Variants in PTK2B observed in about 807,000 individuals in gnomAD.
The protein encoded by PTK2B is protein-tyrosine kinase 2-beta.
In PTK2B, 71 loss-of-function variants were observed where a neutral mutation model predicts 142.9. The ratio of observed to expected loss-of-function variants is 0.50; its 90% CI spans 0.41 to 0.61. The LOEUF (loss-of-function observed/expected upper bound fraction) is 0.61. PTK2B is among the 20% of genes least tolerant of loss of function. PTK2B has a pLI of 0.00. For synonymous variants in PTK2B, 519 were observed against 503.4 expected (o/e 1.03, Z -0.42); for missense variants, 1,105 against 1,320.4 (o/e 0.84, Z 2.53).
At chr8:27,390,906 G>A (rs942241905) in intron 1 of PTK2B, among the ~76,000 whole-genome samples, 1 of 152,088 alleles carries the variant, frequency 6.6e-6, no homozygotes, top group Non-Finnish European at 1.5e-5. Context: ...GAGACTCAAG[G>A]CTGCCATGTT....
chr8:27,311,087 T>A, upstream of PTK2B: 1 of 1,597,288 alleles, frequency 6.3e-7, no homozygotes, highest in Non-Finnish European at 8.5e-7. Context: ...CACCTGCACC[T>A]CCCAGCAGCG....
At chr8:27,362,191 T>A (rs1016960353) in intron 1 of PTK2B, among the ~76,000 whole-genome samples, 2 of 152,120 alleles carry the variant, frequency 1.3e-5, no homozygotes, top group Non-Finnish European at 2.9e-5. Flanking sequence ...AGGGCTTGAG[T>A]TGAAAAGTTA....
intron 1 of PTK2B, among the ~76,000 whole-genome samples, chr8:27,358,314 A>G: frequency 6.6e-6 from 1 of 152,068 alleles, no homozygotes; most frequent in East Asian, 1.9e-4. Context: ...AAGAAGCAAT[A>G]CTTTTTGCAT....
chr8:27,395,699 G>A (rs540366937), intron 1 of PTK2B, among the ~76,000 whole-genome samples: 73 of 152,240 alleles, frequency 4.8e-4, no homozygotes, highest in African/African-American at 1.6e-3. Flanking sequence ...CTCTGGGTGG[G>A]GTCCATTCTT....
chr8:27,445,498 T>G (rs11135993), intron 23 of PTK2B, among the ~76,000 whole-genome samples: 1 of 151,962 alleles, frequency 6.6e-6, no homozygotes, highest in Non-Finnish European at 1.5e-5. Context: ...GAAACAACTA[T>G]TTTTTGAAGA....
At chr8:27,409,694 G>A in intron 2 of PTK2B, among the ~76,000 whole-genome samples, 1 of 152,126 alleles carries the variant, frequency 6.6e-6, no homozygotes, top group East Asian at 1.9e-4. Context: ...CAACCTCAGA[G>A]TGACACCTTC....
intron 8 of PTK2B, 83 bp from the exon 9 acceptor site, chr8:27,431,315 C>T: frequency 6.3e-7 from 1 of 1,599,470 alleles, no homozygotes; most frequent in Non-Finnish European, 8.5e-7. Flanking sequence ...TGGCTTGTGT[C>T]TAGCTTAGGG....
upstream of PTK2B, among the ~76,000 whole-genome samples, chr8:27,324,464 G>A (rs1296988606): frequency 6.6e-6 from 1 of 152,200 alleles, no homozygotes; most frequent in Non-Finnish European, 1.5e-5. Flanking sequence ...AATAGCTATG[G>A]GTAGTCCACT....
At chr8:27,334,803 G>T (rs1251373861) in intron 1 of PTK2B, among the ~76,000 whole-genome samples, 1 of 152,160 alleles carries the variant, frequency 6.6e-6, no homozygotes, top group Non-Finnish European at 1.5e-5. Context: ...CGAGTCTCTT[G>T]AATTCTTGCC....
chr8:27,456,057 G>A (rs565110987), intron 30 of PTK2B, among the ~76,000 whole-genome samples: 6 of 152,362 alleles, frequency 3.9e-5, no homozygotes, highest in African/African-American at 1.2e-4. Flanking sequence ...AGGTGGGGCT[G>A]TGGGGCTGTC....
At chr8:27,342,333 C>T (rs976185140) in intron 1 of PTK2B, among the ~76,000 whole-genome samples, 1 of 151,704 alleles carries the variant, frequency 6.6e-6, no homozygotes, top group Admixed American at 6.6e-5. Flanking sequence ...CTTGCCCATG[C>T]CAGAGTGCAG....
chr8:27,407,435 G>A (rs11986969), intron 2 of PTK2B, among the ~76,000 whole-genome samples: 34,407 of 152,112 alleles, frequency 0.23, 4,062 homozygotes, highest in Middle Eastern at 0.36. Flanking sequence ...TGGCATGGCC[G>A]GATCAGCCGT....
At chr8:27,372,039 A>AT (rs1806392608) in intron 1 of PTK2B, among the ~76,000 whole-genome samples, 1 of 152,240 alleles carries the variant, frequency 6.6e-6, no homozygotes, top group Non-Finnish European at 1.5e-5. Context: ...AAGAAAGCAT[A>AT]TATGCATTGC....
intron 4 of PTK2B, among the ~76,000 whole-genome samples, chr8:27,421,832 A>G (rs2131854366): frequency 6.6e-6 from 1 of 152,380 alleles, no homozygotes; most frequent in South Asian, 2.1e-4. Context: ...CACCAGGTGC[A>G]GAGCAAAGCG....
intron 24 of PTK2B, among the ~76,000 whole-genome samples, chr8:27,447,971 G>A (rs538431880): frequency 3.0e-4 from 46 of 152,258 alleles, no homozygotes; most frequent in African/African-American, 1.0e-3. Context: ...CTTTCAAAGC[G>A]CTTACAGTCG....
chr8:27,365,314 G>C (rs969045200), intron 1 of PTK2B, among the ~76,000 whole-genome samples: 2 of 152,168 alleles, frequency 1.3e-5, no homozygotes, highest in African/African-American at 4.8e-5. Context: ...CAACCTGGTG[G>C]GTACTCAAAG....
At chr8:27,370,060 G>C (rs1225738566) in intron 1 of PTK2B, among the ~76,000 whole-genome samples, 1 of 152,242 alleles carries the variant, frequency 6.6e-6, no homozygotes, top group Non-Finnish European at 1.5e-5. Flanking sequence ...GGTCTCCATT[G>C]AAGATGTGTT....
At chr8:27,378,977 T>C (rs898494324) in intron 1 of PTK2B, among the ~76,000 whole-genome samples, 2 of 152,106 alleles carry the variant, frequency 1.3e-5, no homozygotes, top group Non-Finnish European at 2.9e-5. Flanking sequence ...ATGCCAAACA[T>C]AGACTCACAT....
At chr8:27,430,071 T>C in intron 5 of PTK2B, 22 bp from the exon 6 acceptor site, 1 of 1,609,558 alleles carries the variant, frequency 6.2e-7, no homozygotes, top group South Asian at 1.1e-5. Context: ...TCAGCCTCCC[T>C]CTCCACCACC....
Sources: gnomAD v4.1 joint callset for allele counts (sites outside exome capture counted in the v4.1 genomes callset) on GRCh38, gnomAD v4.1.1 for gene constraint, MANE v1.5 for transcripts, NCBI Gene and HGNC (gene_info 2026-07-23, HGNC 2026-07-21) for gene names.